MAPK10: variants seen among roughly 807,000 people sequenced by gnomAD.
MAPK10 encodes mitogen-activated protein kinase 10.
In MAPK10, 25 loss-of-function variants were observed where a neutral mutation model predicts 59.3. The ratio of observed to expected loss-of-function variants is 0.42; its 90% CI spans 0.31 to 0.59. The LOEUF (loss-of-function observed/expected upper bound fraction) is 0.59, where lower values mean the gene tolerates loss of function less well. Ranked by LOEUF, MAPK10 falls within the 20% of genes least tolerant of loss-of-function variation. The probability of loss-of-function intolerance (pLI) is 0.15; values close to 1 mark genes in which losing one functional copy is unlikely to be tolerated. For synonymous variants in MAPK10, 190 were observed against 200.5 expected (o/e 0.95, Z 0.44); for missense variants, 351 against 568.9 (o/e 0.62, Z 3.90).
intron 2 of MAPK10, among the ~76,000 whole-genome samples, chr4:86,244,932 A>G (rs2092983600): frequency 6.6e-6 from 1 of 152,238 alleles, no homozygotes. Flanking sequence ...CAGCATTGAC[A>G]CAATATTTCC....
intron 2 of MAPK10, among the ~76,000 whole-genome samples, chr4:86,320,241 A>G (rs981497275): frequency 4.6e-5 from 7 of 152,194 alleles, no homozygotes; most frequent in Non-Finnish European, 8.8e-5. Context: ...TAATTTGAAA[A>G]TATATCTCCC....
At chr4:86,082,529 G>A (rs923979945) in intron 9 of MAPK10, among the ~76,000 whole-genome samples, 7 of 152,056 alleles carry the variant, frequency 4.6e-5, no homozygotes, top group Admixed American at 1.3e-4. Flanking sequence ...TCAGGGTGGC[G>A]GGAAAAGTTG....
chr4:86,098,708 C>T, intron 8 of MAPK10, 113 bp from the exon 9 acceptor site: 1 of 880,338 alleles, frequency 1.1e-6, no homozygotes, highest in Non-Finnish European at 1.8e-6. Flanking sequence ...GTACAATTTT[C>T]ACCTCCCACC....
At chr4:86,024,789 TTCTC>T (rs1233635224) in intron 13 of MAPK10, 1 of 152,246 alleles carries the variant, frequency 6.6e-6, no homozygotes, top group Non-Finnish European at 1.5e-5. Flanking sequence ...CATCAGCAGC[TTCTC>T]TCTAATTCCT....
At chr4:86,419,211 T>G (rs941175650) in intron 1 of MAPK10, among the ~76,000 whole-genome samples, 1 of 152,234 alleles carries the variant, frequency 6.6e-6, no homozygotes, top group Non-Finnish European at 1.5e-5. Flanking sequence ...GCTATAAAAA[T>G]GTGTCATTTT....
intron 6 of MAPK10, 111 bp downstream of exon 6, chr4:86,103,075 C>CTG (rs10681488): frequency 0.087 from 42,978 of 492,358 alleles, 379 homozygotes; most frequent in Middle Eastern, 0.11. Context: ...GATTTCAACT[C>CTG]TGTGTGTGTG....
chr4:86,479,882 C>T (rs1753446862), intron 1 of MAPK10, among the ~76,000 whole-genome samples: 1 of 152,170 alleles, frequency 6.6e-6, no homozygotes, highest in Admixed American at 6.5e-5. Flanking sequence ...CCCCTTACCA[C>T]AAAATCTTCC....
At chr4:86,049,487 T>C (rs910057823) in intron 11 of MAPK10, among the ~76,000 whole-genome samples, 3 of 151,972 alleles carry the variant, frequency 2.0e-5, no homozygotes, top group African/African-American at 4.8e-5. Context: ...AGAAAATAAG[T>C]CTAACTGAGC....
intron 13 of MAPK10, chr4:86,026,352 T>C (rs1329728949): frequency 6.6e-6 from 1 of 152,186 alleles, no homozygotes; most frequent in African/African-American, 2.4e-5. Context: ...CCCTCAGCAA[T>C]TGTTACAGAT....
chr4:86,057,531 T>C (rs933902030), intron 11 of MAPK10, among the ~76,000 whole-genome samples: 26 of 150,148 alleles, frequency 1.7e-4, no homozygotes, highest in Non-Finnish European at 2.7e-4. Flanking sequence ...TTATCAAAGA[T>C]TCTCATTCAA....
At chr4:86,171,421 T>A (rs370626776) in intron 3 of MAPK10, among the ~76,000 whole-genome samples, 1 of 151,348 alleles carries the variant, frequency 6.6e-6, no homozygotes, top group Non-Finnish European at 1.5e-5. Flanking sequence ...GAAATAACGC[T>A]GCATATCTAC....
rs772096149 is a variant in MAPK10, at chr4:86,061,902, G to T, written c.1110+2364C>A. Among the ~76,000 whole-genome samples, 62 of 152,094 alleles carry T rather than the reference G, an allele frequency of 4.1e-4. 1 individual carries two copies. Among genetic ancestry groups the T allele is most frequent in the Admixed American group, 1.3e-3 (20 of 15,264 alleles). On this transcript the variant is annotated intron_variant, in intron 11 of 13. Transcript: ENST00000641462. ...TATATTTTGCAAAACAGTCTTGTCAGCCCCGGCAGAAGATATATCACTATA... is the reference window on the plus strand; with the variant it reads ...TATATTTTGCAAAACAGTCTTGTCATCCCCGGCAGAAGATATATCACTATA...
At chr4:86,066,931 G>A (rs1055649525) in intron 10 of MAPK10, among the ~76,000 whole-genome samples, 5 of 151,916 alleles carry the variant, frequency 3.3e-5, no homozygotes, top group African/African-American at 4.8e-5. Context: ...AAGCAAATGT[G>A]TTATGCTCTT....
At chr4:86,039,628 G>A (rs1682208522) in intron 11 of MAPK10, among the ~76,000 whole-genome samples, 1 of 152,158 alleles carries the variant, frequency 6.6e-6, no homozygotes, top group Admixed American at 6.5e-5. Context: ...CCAGCACTGG[G>A]CTGTCCCCTA....
chr4:86,361,635 A>G (rs1736979074), upstream of MAPK10, among the ~76,000 whole-genome samples: 2 of 152,022 alleles, frequency 1.3e-5, no homozygotes, highest in Admixed American at 1.3e-4. Flanking sequence ...GAATGTATAT[A>G]TATTATGCAT....
chr4:86,540,669 G>C (rs768118510), intron 1 of MAPK10, among the ~76,000 whole-genome samples: 2 of 152,158 alleles, frequency 1.3e-5, no homozygotes, highest in African/African-American at 2.4e-5. Context: ...TTGCCTGATA[G>C]CAAGGAAGAA....
At chr4:86,246,416 G>A (rs2093091492) in intron 2 of MAPK10, among the ~76,000 whole-genome samples, 1 of 152,154 alleles carries the variant, frequency 6.6e-6, no homozygotes, top group East Asian at 1.9e-4. Context: ...GGGCAGCAGA[G>A]CAAGACTCCA....
At chr4:86,453,854 A>G (rs1750999944), upstream of MAPK10, among the ~76,000 whole-genome samples, 1 of 152,104 alleles carries the variant, frequency 6.6e-6, no homozygotes, top group Admixed American at 6.5e-5. Flanking sequence ...ACCCTCACAG[A>G]GTCCTTTTCA....
At chr4:86,308,084 G>C (rs1162496869) in intron 2 of MAPK10, among the ~76,000 whole-genome samples, 1 of 152,110 alleles carries the variant, frequency 6.6e-6, no homozygotes, top group East Asian at 1.9e-4. Context: ...TAGTCCATTA[G>C]GGAAATGATG....
Sources: allele counts gnomAD v4.1 joint callset (sites outside exome capture counted in the v4.1 genomes callset), GRCh38; gene constraint gnomAD v4.1.1; transcripts MANE v1.5; gene names NCBI Gene and HGNC (gene_info 2026-07-23, HGNC 2026-07-21).